Variants in EIF4G3 observed in about 807,000 individuals in gnomAD.
EIF4G3 encodes the protein eukaryotic translation initiation factor 4 gamma 3, also known as eIF-4-gamma 3.
A neutral mutation model predicts 186.4 loss-of-function variants in EIF4G3; 34 were observed. The ratio of observed to expected loss-of-function variants is 0.18; its 90% CI spans 0.14 to 0.24. The LOEUF (loss-of-function observed/expected upper bound fraction) is 0.24, where lower values mean the gene tolerates loss of function less well. EIF4G3 is among the 10% of genes least tolerant of loss of function. EIF4G3 has a pLI of 1.00. For missense variants in EIF4G3, 1,536 were observed against 1,948.5 expected (o/e 0.79, Z 3.99); for synonymous variants, 673 against 679.5 (o/e 0.99, Z 0.15).
chr1:21,117,228 C>T (rs1385674852), intron 2 of EIF4G3, among the ~76,000 whole-genome samples: 1 of 152,058 alleles, frequency 6.6e-6, no homozygotes, highest in Non-Finnish European at 1.5e-5. Context: ...CTCTCCTTTT[C>T]ATCTTATCTA....
rs552672014 is a variant in EIF4G3 at position 21,082,531 on chromosome 1, A to G, written c.-196+6607T>C. Reference sequence around the variant, plus strand: ...AACCCAGGAGATGGAGGTTGCAGTGAGCCAAGAATGCATCACTGCACTTCA... The same window carrying G: ...AACCCAGGAGATGGAGGTTGCAGTGGGCCAAGAATGCATCACTGCACTTCA... On this transcript the variant is annotated intron_variant, in intron 3 of 36. Transcript: ENST00000602326. 6.6e-5 allele frequency among the ~76,000 whole-genome samples: 10 copies of G among 152,264 alleles called. No individual in the cohort carries two copies. The South Asian group carries it at 2.1e-3, about 32-fold the overall frequency.
chr1:20,951,958 ATGTT>A (rs2096242055), intron 12 of EIF4G3, among the ~76,000 whole-genome samples: 1 of 152,170 alleles, frequency 6.6e-6, no homozygotes, highest in Non-Finnish European at 1.5e-5. Flanking sequence ...GTGAGATAAT[ATGTT>A]TGTTAAGTTA....
chr1:20,969,222 T>C (rs1039715146), intron 12 of EIF4G3, among the ~76,000 whole-genome samples: 2 of 152,228 alleles, frequency 1.3e-5, no homozygotes, highest in Non-Finnish European at 2.9e-5. Flanking sequence ...GATAGTTCAT[T>C]AAGAAGAGTG....
chr1:20,942,325 TCTC>T lies in EIF4G3; in HGVS notation c.826_828del (p.Glu276del), dbSNP rs774436797. ...TTTAACACTGGATCTGGTTTTGGCT[TCTC>T]CTCTGGGGAAAAAAAAATAAGTTTT... On this transcript the variant is annotated inframe_deletion and splice_region_variant, in exon 14 of 37. Transcript: ENST00000602326. 3.3e-5 allele frequency: 52 copies of T among 1,565,152 alleles called. No individual in the cohort carries two copies. The highest frequency in any genetic ancestry group is 4.3e-5 in the Non-Finnish European group (50 of 1,160,750).
intron 34 of EIF4G3, among the ~76,000 whole-genome samples, chr1:20,815,408 G>A (rs1450037571): frequency 7.0e-6 from 1 of 143,304 alleles, no homozygotes; most frequent in Non-Finnish European, 1.5e-5. Context: ...CCCATCGTCT[G>A]AGTGGGGAGC....
chr1:20,842,885 C>T (rs2069203321), intron 29 of EIF4G3, among the ~76,000 whole-genome samples: 2 of 150,368 alleles, frequency 1.3e-5, no homozygotes, highest in South Asian at 4.2e-4. Context: ...CACTTAGTTA[C>T]CCAGGCTAGA....
intron 4 of EIF4G3, among the ~76,000 whole-genome samples, chr1:21,023,570 C>G (rs867582390): frequency 2.6e-5 from 4 of 152,070 alleles, no homozygotes; most frequent in Non-Finnish European, 4.4e-5. Context: ...CTCAATGGTG[C>G]CCAGGCTGGA....
intron 7 of EIF4G3, among the ~76,000 whole-genome samples, chr1:20,996,084 A>G (rs2082231634): frequency 6.6e-6 from 1 of 152,204 alleles, no homozygotes; most frequent in African/African-American, 2.4e-5. Flanking sequence ...ACTCTTTTAC[A>G]TAAGAAACTA....
At chr1:21,147,847 A>G (rs555195864) in intron 2 of EIF4G3, among the ~76,000 whole-genome samples, 1 of 152,334 alleles carries the variant, frequency 6.6e-6, no homozygotes, top group South Asian at 2.1e-4. Flanking sequence ...TGATAAAAGT[A>G]GAGTAGACCC....
At chr1:20,884,913 G>C (rs2083600005) in intron 19 of EIF4G3, among the ~76,000 whole-genome samples, 2 of 152,216 alleles carry the variant, frequency 1.3e-5, no homozygotes, top group Non-Finnish European at 2.9e-5. Flanking sequence ...CCACAGACCA[G>C]GGTTGGGGGT....
intron 3 of EIF4G3, among the ~76,000 whole-genome samples, chr1:21,054,466 T>TAA (rs532277398): frequency 8.3e-6 from 1 of 120,940 alleles, no homozygotes. Flanking sequence ...GAATGATCAA[T>TAA]AAAAAAAAAA....
intron 2 of EIF4G3, among the ~76,000 whole-genome samples, chr1:21,105,439 G>GAA (rs568510784): frequency 8.0e-6 from 1 of 125,354 alleles, no homozygotes; most frequent in Admixed American, 7.9e-5. Context: ...AAAAAAAAAA[G>GAA]AAAAAAAAAA....
intron 12 of EIF4G3, among the ~76,000 whole-genome samples, chr1:20,957,098 A>G (rs2096449681): frequency 6.6e-6 from 1 of 152,176 alleles, no homozygotes; most frequent in Non-Finnish European, 1.5e-5. Flanking sequence ...CACATCTGCA[A>G]TAGAGAACAT....
At chr1:21,083,854 T>G (rs76271010) in intron 3 of EIF4G3, among the ~76,000 whole-genome samples, 1 of 151,910 alleles carries the variant, frequency 6.6e-6, no homozygotes, top group East Asian at 1.9e-4. Flanking sequence ...ATAACTCAGG[T>G]TTTTTCAACA....
Position 21,071,252 on chromosome 1 carries a change from A to G in EIF4G3, c.-196+17886T>C, listed in dbSNP as rs538962939. Among the ~76,000 whole-genome samples the G allele has an allele frequency of 2.6e-5, 4 of 152,304 alleles. No individual in the cohort carries two copies. In the East Asian group the frequency reaches 7.7e-4, roughly 29 times the overall value. The stretch of plus-strand genomic sequence containing the variant: ...AGATCCTGTCACTACAGAAAATGAA[A>G]CAAAACAAAATTAGCCGGGCATGAC... On this transcript the variant is annotated intron_variant, in intron 3 of 36. Coordinates refer to ENST00000602326, the MANE Select transcript of EIF4G3 (RefSeq NM_001391906.1).
At chr1:21,053,528 C>T (rs560974646) in intron 3 of EIF4G3, among the ~76,000 whole-genome samples, 113 of 146,670 alleles carry the variant, frequency 7.7e-4, no homozygotes, top group African/African-American at 2.5e-3. Context: ...CCAGCCGCCC[C>T]GTCCGGGAAG....
At chr1:20,857,363 C>T (rs1008092459) in intron 25 of EIF4G3, 40 bp downstream of exon 25, 1 of 1,494,372 alleles carries the variant, frequency 6.7e-7, no homozygotes, top group Admixed American at 1.7e-5. Context: ...TCAAAGGCAT[C>T]AAAGGAGAGC....
chr1:21,100,652 C>T (rs985313634), intron 2 of EIF4G3, among the ~76,000 whole-genome samples: 7 of 152,150 alleles, frequency 4.6e-5, no homozygotes, highest in African/African-American at 1.7e-4. Flanking sequence ...CCCTTGAGCC[C>T]ATGAAGTTCA....
rs541489481 is a variant in EIF4G3, at chr1:21,112,880, G to A, written c.-271-23667C>T. On this transcript the variant is annotated intron_variant, in intron 2 of 36. Coordinates refer to ENST00000602326, the MANE Select transcript of EIF4G3 (RefSeq NM_001391906.1). Reference sequence around the variant, plus strand: ...AATCACTACTTATCCAGTATCGTAAGTCCAAATTTAAAACTCTACCAAAAA... The same window carrying A: ...AATCACTACTTATCCAGTATCGTAAATCCAAATTTAAAACTCTACCAAAAA... Among the ~76,000 whole-genome samples the A allele has an allele frequency of 2.0e-5, 3 of 152,154 alleles. No homozygotes were observed. The South Asian group carries it at 6.2e-4, about 32-fold the overall frequency.
Sources: allele counts gnomAD v4.1 joint callset (sites outside exome capture counted in the v4.1 genomes callset), GRCh38; gene constraint gnomAD v4.1.1; transcripts MANE v1.5; gene names NCBI Gene and HGNC (gene_info 2026-07-23, HGNC 2026-07-21).